The following PAPPA2 variants were observed in gnomAD, a reference collection of about 807,000 sequenced individuals.
The protein encoded by PAPPA2 is pappalysin-2.
A neutral mutation model predicts 176.4 loss-of-function variants in PAPPA2; 86 were observed. The ratio of observed to expected loss-of-function variants is 0.49; its 90% confidence interval spans 0.41 to 0.58. PAPPA2 has a LOEUF of 0.58. Ranked by LOEUF, PAPPA2 falls within the 20% of genes least tolerant of loss-of-function variation. The pLI, the probability that PAPPA2 is intolerant of heterozygous loss-of-function variation, is 0.00. For synonymous variants in PAPPA2, 809 were observed against 852.2 expected, an observed-to-expected ratio of 0.95 and a Z score of 0.88; for missense variants, 2,073 against 2,256.9, an observed-to-expected ratio of 0.92 and a Z score of 1.65.
intron 3 of PAPPA2, among the ~76,000 whole-genome samples, chr1:176,643,645 T>C (rs1207634059): frequency 6.6e-6 from 1 of 151,784 alleles, no homozygotes; most frequent in Admixed American, 6.6e-5. Flanking sequence ...GAGAAAATGC[T>C]TAGCTCTAGA....
intron 1 of PAPPA2, among the ~76,000 whole-genome samples, chr1:176,519,848 C>G (rs1380033785): frequency 6.6e-6 from 1 of 152,082 alleles, no homozygotes; most frequent in Non-Finnish European, 1.5e-5. Flanking sequence ...TGGCTGGGAG[C>G]TATAGTAAAA....
intron 2 of PAPPA2, among the ~76,000 whole-genome samples, chr1:176,571,755 C>A (rs1422445350): frequency 2.0e-5 from 3 of 152,194 alleles, no homozygotes; most frequent in Non-Finnish European, 4.4e-5. Flanking sequence ...AACCACTATT[C>A]TCAACTAACT....
Position 176,666,543 on chromosome 1 carries a change from G to A in PAPPA2, c.1992-4427G>A, listed in dbSNP as rs76728689. On this transcript the variant is annotated intron_variant, in intron 3 of 22. Coordinates refer to ENST00000367662, the MANE Select transcript of PAPPA2 (RefSeq NM_020318.3). ...GATCGGGAAAAGGGAATACAAATAG[G>A]TAAGGAAGTAAATATATATGTGTGT... Among the ~76,000 whole-genome samples the A allele has an allele frequency of 4.8e-5, 7 of 144,770 alleles. No homozygotes were observed. In the East Asian group the frequency reaches 1.5e-3, roughly 32 times the overall value. 95.0% of individuals were successfully genotyped at this position (144,770 alleles called of 152,430 possible). A position where few individuals can be genotyped will look rare whatever the true frequency, so the allele number is the denominator to read the frequency against.
intron 12 of PAPPA2, among the ~76,000 whole-genome samples, chr1:176,738,575 T>C (rs1475672795): frequency 6.6e-6 from 1 of 152,150 alleles, no homozygotes; most frequent in Non-Finnish European, 1.5e-5. Context: ...TTCATCACCC[T>C]TAGAACCTGA....
At chr1:176,779,510 AC>A (rs1664616161) in intron 17 of PAPPA2, among the ~76,000 whole-genome samples, 1 of 149,422 alleles carries the variant, frequency 6.7e-6, no homozygotes, top group Non-Finnish European at 1.5e-5. Flanking sequence ...ACACACACAC[AC>A]ACACACACAG....
intron 11 of PAPPA2, 95 bp from the exon 12 acceptor site, chr1:176,711,740 A>G: frequency 7.3e-7 from 1 of 1,376,878 alleles, no homozygotes; most frequent in Non-Finnish European, 1.0e-6. Flanking sequence ...ATTCAGAAAG[A>G]GAGAACAACT....
intron 4 of PAPPA2, among the ~76,000 whole-genome samples, chr1:176,682,403 G>C (rs1259601605): frequency 2.0e-5 from 3 of 152,190 alleles, no homozygotes; most frequent in African/African-American, 7.2e-5. Context: ...TCTACAACCT[G>C]ATGGACTGTA....
chr1:176,775,228 T>C (rs548509663), intron 17 of PAPPA2, among the ~76,000 whole-genome samples: 2 of 152,280 alleles, frequency 1.3e-5, no homozygotes, highest in African/African-American at 2.4e-5. Context: ...GCCCAGTGAC[T>C]AGCTACTTAT....
chr1:176,575,695 TG>T (rs1169871594), intron 2 of PAPPA2, among the ~76,000 whole-genome samples: 1 of 152,268 alleles, frequency 6.6e-6, no homozygotes, highest in Admixed American at 6.5e-5. Flanking sequence ...TTTGAGTTAC[TG>T]TAGTTAGGCT....
intron 3 of PAPPA2, among the ~76,000 whole-genome samples, chr1:176,651,474 C>G (rs1657722651): frequency 6.6e-6 from 1 of 151,528 alleles, no homozygotes; most frequent in African/African-American, 2.4e-5. Context: ...TGTATAGTTT[C>G]CATAGGGAAG....
rs1217898457 is a variant in PAPPA2, at chr1:176,844,252, ATCT to A, written c.*1802_*1804del. 1.3e-5 allele frequency: 2 copies of A among 152,116 alleles called. No individual in the cohort carries two copies. Among genetic ancestry groups the A allele is most frequent in the African/African-American group, 4.8e-5 (2 of 41,432 alleles). The allele number at this position is 152,116 out of a possible 1,614,324, so 9.4% of individuals were successfully genotyped here. On this transcript the variant is annotated 3_prime_UTR_variant, in exon 23 of 23. Coordinates refer to ENST00000367662, the MANE Select transcript of PAPPA2 (RefSeq NM_020318.3). Reference sequence around the variant, plus strand: ...TAGAGCTCAGCTGTGGTCTCTTCTCATCTTCTGCTCTTTTGCTTTGACCACAGT... The same window carrying A: ...TAGAGCTCAGCTGTGGTCTCTTCTCATCTGCTCTTTTGCTTTGACCACAGT...
chr1:176,789,118 G>A (rs550909747), intron 17 of PAPPA2, among the ~76,000 whole-genome samples: 1 of 152,206 alleles, frequency 6.6e-6, no homozygotes, highest in East Asian at 1.9e-4. Flanking sequence ...TTTAGATGCT[G>A]TACTATTTAT....
At chr1:176,659,846 C>T (rs1658257801) in intron 3 of PAPPA2, among the ~76,000 whole-genome samples, 1 of 152,008 alleles carries the variant, frequency 6.6e-6, no homozygotes, top group South Asian at 2.1e-4. Context: ...GATGTCATTT[C>T]TTAACAACTA....
intron 2 of PAPPA2, among the ~76,000 whole-genome samples, chr1:176,565,834 C>T (rs569008789): frequency 7.9e-5 from 12 of 152,302 alleles, no homozygotes; most frequent in Middle Eastern, 3.4e-3. Flanking sequence ...CTGATGCTGA[C>T]GCCTCTGAAA....
In PAPPA2 at chr1:176,685,692, G is replaced by A. The variant is rs151113838; in HGVS notation, c.2138-4445G>A. Reference sequence around the variant, plus strand: ...CTCCGGCCCCCTCCTCCCCACCAGGGGAAGACTTAAATGCTGATGATGGCA... The same window carrying A: ...CTCCGGCCCCCTCCTCCCCACCAGGAGAAGACTTAAATGCTGATGATGGCA... On this transcript the variant is annotated intron_variant, in intron 4 of 22. Transcript: ENST00000367662. Among the ~76,000 whole-genome samples, 103 of 152,258 alleles carry A rather than the reference G, an allele frequency of 6.8e-4. 1 individual carries two copies. Among genetic ancestry groups the A allele is most frequent in the Non-Finnish European group, 9.7e-4 (66 of 68,014 alleles).
chr1:176,565,522 C>T (rs759701015), intron 2 of PAPPA2, among the ~76,000 whole-genome samples: 7 of 152,100 alleles, frequency 4.6e-5, no homozygotes, highest in Admixed American at 1.3e-4. Flanking sequence ...TGACGAAACC[C>T]CATCTCTACA....
intron 3 of PAPPA2, among the ~76,000 whole-genome samples, chr1:176,656,997 A>G (rs1001787892): frequency 1.7e-4 from 26 of 152,068 alleles, no homozygotes; most frequent in African/African-American, 6.3e-4. Context: ...ACTAAATCTC[A>G]GACCCTGTGC....
intron 3 of PAPPA2, chr1:176,616,164 A>G (rs1221978846): frequency 3.0e-6 from 1 of 331,750 alleles, no homozygotes; most frequent in Non-Finnish European, 5.9e-6. Context: ...ACTCCTATGG[A>G]AGCTTCATTA....
At chr1:176,635,814 T>C (rs371712815) in intron 3 of PAPPA2, among the ~76,000 whole-genome samples, 158 of 152,266 alleles carry the variant, frequency 1.0e-3, no homozygotes, top group Non-Finnish European at 1.8e-3. Flanking sequence ...GGTAGGAGAA[T>C]GAACATTTTT....
Sources: allele counts gnomAD v4.1 joint callset (sites outside exome capture counted in the v4.1 genomes callset), GRCh38; gene constraint gnomAD v4.1.1; transcripts MANE v1.5; gene names NCBI Gene and HGNC (gene_info 2026-07-23, HGNC 2026-07-21).